Variants in NOL10 observed in about 807,000 individuals in gnomAD.
The protein encoded by NOL10 is H_NH0074G24.1.
Under a neutral mutation model 103.5 loss-of-function variants are expected in NOL10, and 58 were observed. That is an observed-to-expected ratio of 0.56 (90% CI 0.45 to 0.70). The LOEUF (loss-of-function observed/expected upper bound fraction) is 0.70. Ranked by LOEUF, NOL10 falls within the 30% of genes least tolerant of loss-of-function variation. NOL10 has a pLI of 0.00. For missense variants in NOL10, 763 were observed against 807.3 expected (o/e 0.95, Z 0.67); for synonymous variants, 287 against 282.5 (o/e 1.02, Z -0.16).
At chr2:10,645,750 C>G (rs1679019770) in intron 12 of NOL10, among the ~76,000 whole-genome samples, 1 of 151,902 alleles carries the variant, frequency 6.6e-6, no homozygotes, top group Non-Finnish European at 1.5e-5. Flanking sequence ...AGGACAGTCT[C>G]AATCTCCTGA....
intron 6 of NOL10, 121 bp downstream of exon 6, chr2:10,671,433 G>A: frequency 1.5e-6 from 1 of 647,950 alleles, no homozygotes; most frequent in South Asian, 5.6e-5. Context: ...TTTTACAAGA[G>A]CCACGTATCA....
chr2:10,573,655 C>CAAA (rs561312921), intron 20 of NOL10, among the ~76,000 whole-genome samples: 2,002 of 124,722 alleles, frequency 0.016, 58 homozygotes, highest in African/African-American at 0.056. Context: ...TTTGTAATGT[C>CAAA]AAAAAAAAAA....
At position 10,644,235 on chromosome 2, in the gene NOL10, G is replaced by C. The variant is rs536930568; in HGVS notation, c.1026+85C>G. 53 of 1,032,966 alleles carry C rather than the reference G, an allele frequency of 5.1e-5. 1 individual carries two copies. The East Asian group carries it at 1.5e-3, about 28-fold the overall frequency. The allele number at this position is 1,032,966 out of a possible 1,614,324, so 64.0% of individuals were successfully genotyped here. On this transcript the variant is annotated intron_variant, in intron 13 of 20. Coordinates refer to ENST00000381685, the MANE Select transcript of NOL10 (RefSeq NM_024894.4). ...TGCACCCCAGCATCGGTGATCGCCA[G>C]ACTCCGTCTCAAAAAATTAAATAAA...
intron 13 of NOL10, among the ~76,000 whole-genome samples, chr2:10,642,504 C>A (rs1305433519): frequency 6.6e-6 from 1 of 152,128 alleles, no homozygotes; most frequent in Non-Finnish European, 1.5e-5. Context: ...CTTGTCAGGA[C>A]TCCCTGCCCT....
chr2:10,604,087 G>A (rs889225077), intron 14 of NOL10, among the ~76,000 whole-genome samples: 14 of 152,146 alleles, frequency 9.2e-5, no homozygotes, highest in African/African-American at 1.9e-4. Flanking sequence ...TAGATCCCTC[G>A]CATGTGCAGT....
At chr2:10,573,630 G>A (rs1043989041) in intron 20 of NOL10, among the ~76,000 whole-genome samples, 4 of 149,748 alleles carry the variant, frequency 2.7e-5, no homozygotes, top group Non-Finnish European at 5.9e-5. Flanking sequence ...AGAGAATAGC[G>A]GGGAAGGAAA....
chr2:10,590,486 A>G (rs762102387), intron 17 of NOL10, among the ~76,000 whole-genome samples: 17 of 152,198 alleles, frequency 1.1e-4, no homozygotes, highest in Non-Finnish European at 2.5e-4. Context: ...CTGGGAGAGG[A>G]GGTATACAAA....
chr2:10,618,155 GT>G (rs1341857898), intron 13 of NOL10, among the ~76,000 whole-genome samples: 1 of 151,988 alleles, frequency 6.6e-6, no homozygotes, highest in Non-Finnish European at 1.5e-5. Context: ...GGGATTATGG[GT>G]GGGTACCACA....
chr2:10,572,874 A>G (rs1674252862), intron 20 of NOL10, among the ~76,000 whole-genome samples: 1 of 152,124 alleles, frequency 6.6e-6, no homozygotes, highest in African/African-American at 2.4e-5. Flanking sequence ...ATTTGTCCTC[A>G]ATGCTCATTG....
intron 13 of NOL10, among the ~76,000 whole-genome samples, chr2:10,617,437 G>A (rs1301095804): frequency 6.6e-6 from 1 of 152,198 alleles, no homozygotes; most frequent in African/African-American, 2.4e-5. Context: ...GTGGTCACAC[G>A]TTAGAAAGAA....
At chr2:10,605,445 A>C (rs936833982) in intron 14 of NOL10, among the ~76,000 whole-genome samples, 2 of 152,224 alleles carry the variant, frequency 1.3e-5, no homozygotes, top group Admixed American at 6.5e-5. Context: ...GGAAATGATA[A>C]AAGCTCATTT....
chr2:10,648,168 T>G (rs144025154), intron 12 of NOL10, among the ~76,000 whole-genome samples: 13 of 152,288 alleles, frequency 8.5e-5, no homozygotes, highest in East Asian at 3.9e-4. Flanking sequence ...GCAGAACCAT[T>G]TCCCAATATA....
chr2:10,577,699 A>AT lies in NOL10; in HGVS notation c.1883dup (p.Asn628LysfsTer24). 3 of 1,612,536 alleles carry AT rather than the reference A, an allele frequency of 1.9e-6. No individual in the cohort carries two copies. Among genetic ancestry groups the AT allele is most frequent in the Non-Finnish European group, 2.5e-6 (3 of 1,179,194 alleles). The stretch of plus-strand genomic sequence containing the variant: ...TGGTGTCGGATACACTCAATGTCCC[A>AT]TTTTTTGCTTCAATTTTCAAACGAT... On this transcript the variant is annotated frameshift_variant, in exon 20 of 21. Coordinates refer to ENST00000381685, the MANE Select transcript of NOL10 (RefSeq NM_024894.4). LOFTEE classifies it high-confidence loss of function.
Position 10,587,184 on chromosome 2 carries a change from T to TATATATAC in NOL10, c.1844+1851_1844+1858dup, listed in dbSNP as rs1675125800. Among the ~76,000 whole-genome samples, 21 of 47,358 alleles carry TATATATAC rather than the reference T, an allele frequency of 4.4e-4. 5 individuals carry two copies. Among genetic ancestry groups the TATATATAC allele is most frequent in the South Asian group, 1.4e-3 (3 of 2,084 alleles). The allele number at this position is 47,358 out of a possible 152,430, so 31.1% of individuals were successfully genotyped here. A position where few individuals can be genotyped will look rare whatever the true frequency, so the allele number is the denominator to read the frequency against. On this transcript the variant is annotated intron_variant, in intron 19 of 20. Transcript: ENST00000381685. ...ACATATATACACATATATATACACA[T>TATATATAC]ATATATACACATATATATACACATA...
chr2:10,577,759 T>A (rs1461795835), intron 19 of NOL10, 21 bp from the exon 20 acceptor site: 7 of 1,461,634 alleles, frequency 4.8e-6, no homozygotes, highest in African/African-American at 2.8e-5. Context: ...TTCAAAAGAA[T>A]GCCACATTAA....
intron 13 of NOL10, among the ~76,000 whole-genome samples, chr2:10,638,750 C>T (rs62127197): frequency 0.29 from 42,460 of 146,460 alleles, 6,774 homozygotes; most frequent in Non-Finnish European, 0.36. Context: ...CTTGGCCTCC[C>T]AAAGTGCTGG....
intron 14 of NOL10, 25 bp downstream of exon 14, chr2:10,607,160 T>C (rs1676305838): frequency 1.4e-6 from 2 of 1,475,418 alleles, no homozygotes; most frequent in Non-Finnish European, 1.8e-6. Flanking sequence ...AATTACATAA[T>C]ATTTCATCAC....
chr2:10,590,478 G>T (rs1301155092), intron 17 of NOL10, among the ~76,000 whole-genome samples: 1 of 152,182 alleles, frequency 6.6e-6, no homozygotes, highest in Non-Finnish European at 1.5e-5. Context: ...TTCCAAAACT[G>T]GGAGAGGAGG....
intron 12 of NOL10, among the ~76,000 whole-genome samples, chr2:10,648,445 G>A (rs1679234717): frequency 6.6e-6 from 1 of 152,106 alleles, no homozygotes; most frequent in South Asian, 2.1e-4. Flanking sequence ...TGTTCTGCCT[G>A]CTCTCTTATG....
Sources: gnomAD v4.1 joint callset for allele counts (sites outside exome capture counted in the v4.1 genomes callset) on GRCh38, gnomAD v4.1.1 for gene constraint, MANE v1.5 for transcripts, NCBI Gene and HGNC (gene_info 2026-07-23, HGNC 2026-07-21) for gene names.